Variants in SYBU observed in about 807,000 individuals in gnomAD.
The protein encoded by SYBU is syntabulin, also known as GOLSYN A protein.
In SYBU, 21 loss-of-function variants were observed where a neutral mutation model predicts 35.9. The observed-to-expected ratio is 0.58, with a 90% CI of 0.41 to 0.84. The LOEUF (loss-of-function observed/expected upper bound fraction) is 0.84, where lower values mean the gene tolerates loss of function less well. SYBU is among the 40% of genes least tolerant of loss of function. The pLI is 0.00. For synonymous variants in SYBU, 319 were observed against 324.3 expected (o/e 0.98, Z 0.18); for missense variants, 768 against 848.2 (o/e 0.91, Z 1.17).
chr8:109,576,063 A>C (rs761714304), intron 6 of SYBU, 50 bp from the exon 7 acceptor site: 12 of 1,491,288 alleles, frequency 8.0e-6, no homozygotes, highest in Admixed American at 2.3e-5. Context: ...AAAAAAAAAA[A>C]AAAAAAACTT....
At chr8:109,607,805 A>AACTC in intron 3 of SYBU, 2 of 332,268 alleles carry the variant, frequency 6.0e-6, no homozygotes, top group East Asian at 4.8e-5. Flanking sequence ...TACCACAACT[A>AACTC]ACTCACACAC....
At chr8:109,643,282 G>C (rs1586925844) in intron 1 of SYBU, 1 of 685,798 alleles carries the variant, frequency 1.5e-6, no homozygotes, top group African/African-American at 1.9e-5. Flanking sequence ...GCCTCCCAAA[G>C]GCTCTTTATT....
chr8:109,675,059 A>C (rs1006868840), intron 1 of SYBU, among the ~76,000 whole-genome samples: 3 of 152,264 alleles, frequency 2.0e-5, no homozygotes, highest in Non-Finnish European at 4.4e-5. Context: ...TAACGAAATT[A>C]AGGCAGAAAT....
At chr8:109,655,156 C>A (rs1273760717) in intron 1 of SYBU, among the ~76,000 whole-genome samples, 1 of 152,224 alleles carries the variant, frequency 6.6e-6, no homozygotes, top group Non-Finnish European at 1.5e-5. Context: ...TTGACGTTCA[C>A]AAATGTTCCC....
chr8:109,615,400 A>G (rs1234758402), intron 3 of SYBU, among the ~76,000 whole-genome samples: 1 of 152,132 alleles, frequency 6.6e-6, no homozygotes, highest in Admixed American at 6.5e-5. Context: ...GATTCTATAA[A>G]TTTTAGAGTC....
At position 109,618,788 on chromosome 8, in the gene SYBU, A is replaced by G. The variant is rs1049948699; in HGVS notation, c.427+54T>C. The G allele has an allele frequency of 1.5e-5, 23 of 1,531,762 alleles. No homozygotes were observed. In the Admixed American group the frequency reaches 3.8e-4, roughly 26 times the overall value. 94.9% of individuals were successfully genotyped at this position (1,531,762 alleles called of 1,614,324 possible). On this transcript the variant is annotated intron_variant, in intron 3 of 6. Coordinates refer to ENST00000276646, the MANE Select transcript of SYBU (RefSeq NM_001099754.2). ...ATACAGGTGTTTAGTTTTAAACATG[A>G]AACTACTCCCATCACATTGTTCTGA...
chr8:109,665,755 A>C (rs951507322), intron 1 of SYBU, among the ~76,000 whole-genome samples: 5 of 152,216 alleles, frequency 3.3e-5, no homozygotes, highest in African/African-American at 9.7e-5. Context: ...AGATCTTTAA[A>C]ATTTTAAATG....
At chr8:109,661,671 T>C (rs1186822145) in intron 1 of SYBU, among the ~76,000 whole-genome samples, 8 of 152,164 alleles carry the variant, frequency 5.3e-5, no homozygotes, top group African/African-American at 1.7e-4. Flanking sequence ...CAGTATGAAC[T>C]CTTCATTAGC....
intron 1 of SYBU, chr8:109,644,288 C>A (rs1165798426): frequency 7.7e-6 from 4 of 518,742 alleles, no homozygotes; most frequent in African/African-American, 5.7e-5. Flanking sequence ...GTCACTGACA[C>A]GCGGGAGTCC....
chr8:109,677,709 G>A (rs1227054255), intron 1 of SYBU, among the ~76,000 whole-genome samples: 1 of 152,150 alleles, frequency 6.6e-6, no homozygotes, highest in Non-Finnish European at 1.5e-5. Flanking sequence ...TATAAATGCA[G>A]TATTCTAGTC....
chr8:109,589,540 C>G (rs1823987331), intron 3 of SYBU, among the ~76,000 whole-genome samples: 2 of 152,216 alleles, frequency 1.3e-5, no homozygotes, highest in South Asian at 4.1e-4. Context: ...GCAGAAGGCA[C>G]TTTTCCAACT....
chr8:109,644,064 G>A, intron 1 of SYBU: 1 of 456,538 alleles, frequency 2.2e-6, no homozygotes. Context: ...GAAGGGTCAC[G>A]GCCAAAATAA....
chr8:109,594,054 C>A (rs1563697033), intron 3 of SYBU, among the ~76,000 whole-genome samples: 1 of 152,244 alleles, frequency 6.6e-6, no homozygotes, highest in South Asian at 2.1e-4. Flanking sequence ...GGAAAGCCTG[C>A]TGCTTCTATT....
intron 1 of SYBU, among the ~76,000 whole-genome samples, chr8:109,666,204 C>T (rs886827404): frequency 6.6e-6 from 1 of 152,244 alleles, no homozygotes; most frequent in Admixed American, 6.5e-5. Context: ...TGGAAAATAT[C>T]GAACAACACA....
intron 3 of SYBU, chr8:109,608,028 G>C: frequency 1.4e-6 from 2 of 1,402,590 alleles, no homozygotes; most frequent in Non-Finnish European, 1.9e-6. Flanking sequence ...TATCTCAGTA[G>C]AGTACAGTCT....
intron 4 of SYBU, chr8:109,580,794 A>G (rs1408808574): frequency 6.6e-6 from 1 of 152,486 alleles, no homozygotes; most frequent in African/African-American, 2.4e-5. Flanking sequence ...ACAAGGTCCA[A>G]TCCCACTACT....
At chr8:109,618,598 C>CT (rs969823888) in intron 3 of SYBU, among the ~76,000 whole-genome samples, 1 of 152,066 alleles carries the variant, frequency 6.6e-6, no homozygotes, top group African/African-American at 2.4e-5. Flanking sequence ...ACTTTTGTCT[C>CT]TTTTTTAAAA....
intron 1 of SYBU, among the ~76,000 whole-genome samples, chr8:109,657,993 A>G (rs1353969845): frequency 1.3e-5 from 2 of 152,224 alleles, no homozygotes; most frequent in East Asian, 3.8e-4. Context: ...CTGTCCTCCA[A>G]TTAGTCTGAT....
intron 3 of SYBU, among the ~76,000 whole-genome samples, chr8:109,612,032 C>A (rs1811225823): frequency 6.6e-6 from 1 of 152,186 alleles, no homozygotes; most frequent in Non-Finnish European, 1.5e-5. Flanking sequence ...ATTAAAATTA[C>A]TCCTTTGAAG....
Sources: gnomAD v4.1 joint callset for allele counts (sites outside exome capture counted in the v4.1 genomes callset) on GRCh38, gnomAD v4.1.1 for gene constraint, MANE v1.5 for transcripts, NCBI Gene and HGNC (gene_info 2026-07-23, HGNC 2026-07-21) for gene names.